Variants in MPP7 observed in about 807,000 individuals in gnomAD.
MPP7 encodes MAGUK p55 scaffold protein 7.
MPP7 carries 60 observed loss-of-function variants against 76.5 expected under a neutral mutation model. The observed-to-expected ratio is 0.78, with a 90% CI of 0.64 to 0.97. The LOEUF (loss-of-function observed/expected upper bound fraction) is 0.97, where lower values mean the gene tolerates loss of function less well. MPP7 is among the 50% of genes least tolerant of loss of function. The pLI is 0.00. For synonymous variants in MPP7, 237 were observed against 244.5 expected, an observed-to-expected ratio of 0.97 and a Z score of 0.29; for missense variants, 641 against 694.0, an observed-to-expected ratio of 0.92 and a Z score of 0.86.
At chr10:28,163,158 T>C (rs140099141) in intron 3 of MPP7, among the ~76,000 whole-genome samples, 159 of 152,286 alleles carry the variant, frequency 1.0e-3, no homozygotes, top group African/African-American at 3.6e-3. Flanking sequence ...CAATCCTCCC[T>C]GTGATCTGGT....
Position 28,153,179 on chromosome 10 carries a change from G to A in MPP7, c.157-3120C>T, listed in dbSNP as rs190479053. Among the ~76,000 whole-genome samples, 8 of 150,914 alleles carry A rather than the reference G, an allele frequency of 5.3e-5. 1 individual carries two copies. The South Asian group carries it at 8.4e-4, about 16-fold the overall frequency. ...TGAGGCAGAAGAATGGCTTGAACCC[G>A]GAAGGCGGAGGTTGCAGTGAGCCGA... is the stretch of plus-strand genomic sequence containing the variant. On this transcript the variant is annotated intron_variant, in intron 3 of 16. Coordinates refer to ENST00000683449, the MANE Select transcript of MPP7 (RefSeq NM_001318170.2).
chr10:28,240,953 A>G (rs1000798585), intron 1 of MPP7, among the ~76,000 whole-genome samples: 1 of 152,096 alleles, frequency 6.6e-6, no homozygotes, highest in African/African-American at 2.4e-5. Flanking sequence ...TATTTATTAT[A>G]TGTGTGTGTA....
At chr10:28,261,965 C>T (rs1839964086) in intron 1 of MPP7, among the ~76,000 whole-genome samples, 1 of 151,092 alleles carries the variant, frequency 6.6e-6, no homozygotes, top group South Asian at 2.1e-4. Flanking sequence ...GCCTGGCCAA[C>T]ATGGTGAAAC....
intron 2 of MPP7, among the ~76,000 whole-genome samples, chr10:28,216,213 A>T (rs1029291820): frequency 2.8e-5 from 4 of 142,126 alleles, no homozygotes; most frequent in African/African-American, 1.1e-4. Flanking sequence ...CCCCGTTTCT[A>T]AAAAAAAAAA....
At chr10:28,205,373 AAG>A (rs1203184399) in intron 2 of MPP7, among the ~76,000 whole-genome samples, 1 of 152,184 alleles carries the variant, frequency 6.6e-6, no homozygotes, top group Non-Finnish European at 1.5e-5. Flanking sequence ...TCTAATGGTG[AAG>A]AGTTTTGTGA....
intron 3 of MPP7, among the ~76,000 whole-genome samples, chr10:28,165,327 G>C (rs1400225968): frequency 6.6e-6 from 1 of 152,134 alleles, no homozygotes; most frequent in African/African-American, 2.4e-5. Flanking sequence ...TTTGATATCA[G>C]CCTGGGTAAC....
At chr10:28,141,079 G>T (rs887847703) in intron 5 of MPP7, among the ~76,000 whole-genome samples, 11 of 151,914 alleles carry the variant, frequency 7.2e-5, no homozygotes, top group African/African-American at 2.7e-4. Context: ...TTAATCCCAA[G>T]AATTTAATGT....
chr10:28,256,563 A>G (rs904825273), intron 1 of MPP7, among the ~76,000 whole-genome samples: 1 of 152,122 alleles, frequency 6.6e-6, no homozygotes, highest in Non-Finnish European at 1.5e-5. Flanking sequence ...TGGTTTTAAA[A>G]AATAATAATA....
chr10:28,258,390 AT>A (rs1241651848), intron 1 of MPP7, among the ~76,000 whole-genome samples: 1 of 108,270 alleles, frequency 9.2e-6, no homozygotes, highest in African/African-American at 3.3e-5. Context: ...TATTATATAT[AT>A]ATATATATAT....
chr10:28,131,109 C>A (rs191725173), intron 6 of MPP7, among the ~76,000 whole-genome samples: 6 of 152,108 alleles, frequency 3.9e-5, no homozygotes, highest in Non-Finnish European at 7.4e-5. Context: ...CAAATAAGAT[C>A]TTCAAAAGAT....
intron 3 of MPP7, among the ~76,000 whole-genome samples, chr10:28,196,491 A>T (rs1588910184): frequency 6.6e-6 from 1 of 152,102 alleles, no homozygotes; most frequent in South Asian, 2.1e-4. Context: ...AAAAAAAAAA[A>T]AAAAAGATTC....
chr10:28,291,612 CA>C lies in MPP7; in HGVS notation c.-132+11248del, dbSNP rs1021431460. ...ACAGAGACAGAGAGAGACACTGTCT[CA>C]AAAAAAAAAATTAAATAAAGACAGT... On this transcript the variant is annotated intron_variant, in intron 1 of 16. Coordinates refer to ENST00000683449, the MANE Select transcript of MPP7 (RefSeq NM_001318170.2). 6.4e-3 allele frequency among the ~76,000 whole-genome samples: 928 copies of C among 143,924 alleles called. 8 individuals are homozygous for C. The highest frequency in any genetic ancestry group is 0.021 in the African/African-American group (829 of 39,398). The allele number at this position is 143,924 out of a possible 152,430, so 94.4% of individuals were successfully genotyped here.
chr10:28,061,972 A>C (rs1851804189), intron 13 of MPP7, among the ~76,000 whole-genome samples: 1 of 152,290 alleles, frequency 6.6e-6, no homozygotes. Context: ...AGAGAAACTA[A>C]CAGAATTCAC....
chr10:28,116,348 A>C (rs1315574642), intron 11 of MPP7, among the ~76,000 whole-genome samples: 1 of 152,168 alleles, frequency 6.6e-6, no homozygotes, highest in Non-Finnish European at 1.5e-5. Context: ...TAGGCAGAAA[A>C]TTAGAATACT....
intron 1 of MPP7, among the ~76,000 whole-genome samples, chr10:28,293,569 G>A (rs1840971381): frequency 6.6e-6 from 1 of 152,184 alleles, no homozygotes; most frequent in Admixed American, 6.5e-5. Context: ...TGATGAAGGG[G>A]AAAGATACAA....
At chr10:28,080,878 C>A (rs921875678) in intron 12 of MPP7, among the ~76,000 whole-genome samples, 7 of 152,184 alleles carry the variant, frequency 4.6e-5, no homozygotes, top group Non-Finnish European at 8.8e-5. Flanking sequence ...ATTCTACAAG[C>A]CTTCCATCAA....
In MPP7 at chr10:28,115,108, T is replaced by TTTA. The variant is rs1564637682; in HGVS notation, c.952+4542_952+4543insTAA. Among the ~76,000 whole-genome samples the TTTA allele has an allele frequency of 8.6e-5, 13 of 151,776 alleles. No individual in the cohort carries two copies. In the East Asian group the frequency reaches 1.6e-3, roughly 18 times the overall value. ...TGTTTGTTTGTTTTGTTTTTTGTTT[T>TTTA]TGTTTTTTTTTGAGATGGAGTTTTA... On this transcript the variant is annotated intron_variant, in intron 11 of 16. Transcript: ENST00000683449.
upstream of MPP7, among the ~76,000 whole-genome samples, chr10:28,335,012 C>T (rs1834504540): frequency 6.6e-6 from 1 of 152,202 alleles, no homozygotes; most frequent in Non-Finnish European, 1.5e-5. Flanking sequence ...AGGCGGCAAT[C>T]AAGATGCTGC....
intron 2 of MPP7, among the ~76,000 whole-genome samples, chr10:28,310,190 C>T (rs936970672): frequency 7.2e-5 from 11 of 151,976 alleles, no homozygotes; most frequent in Non-Finnish European, 1.5e-4. Flanking sequence ...TTGGTAGAGA[C>T]GGGGTTTCAC....
Sources: gnomAD v4.1 joint callset for allele counts (sites outside exome capture counted in the v4.1 genomes callset) on GRCh38, gnomAD v4.1.1 for gene constraint, MANE v1.5 for transcripts, NCBI Gene and HGNC (gene_info 2026-07-23, HGNC 2026-07-21) for gene names.